The following DPP10 variants were observed in gnomAD, a reference collection of about 807,000 sequenced individuals.
DPP10 encodes inactive dipeptidyl peptidase 10.
DPP10 carries 33 observed loss-of-function variants against 120.9 expected under a neutral mutation model. The ratio of observed to expected loss-of-function variants is 0.27; its 90% CI spans 0.21 to 0.37. The LOEUF (loss-of-function observed/expected upper bound fraction) is 0.37, where lower values mean the gene tolerates loss of function less well. Ranked by LOEUF, DPP10 falls within the 10% of genes least tolerant of loss-of-function variation. The probability of loss-of-function intolerance (pLI) is 1.00; values close to 1 mark genes in which losing one functional copy is unlikely to be tolerated. For missense variants in DPP10, 816 were observed against 942.8 expected, an observed-to-expected ratio of 0.87 and a Z score of 1.76; for synonymous variants, 337 against 326.1, an observed-to-expected ratio of 1.03 and a Z score of -0.36.
intron 8 of DPP10, among the ~76,000 whole-genome samples, chr2:115,729,332 T>C (rs2092842304): frequency 1.3e-5 from 2 of 152,186 alleles, no homozygotes; most frequent in Admixed American, 6.5e-5. Flanking sequence ...CAAAATATTA[T>C]TGGTACTGTG....
At chr2:115,829,513 T>G (rs1322314551) in intron 21 of DPP10, among the ~76,000 whole-genome samples, 3 of 152,308 alleles carry the variant, frequency 2.0e-5, no homozygotes, top group African/African-American at 7.2e-5. Flanking sequence ...TTATCTTTGT[T>G]TTTTTCAAAT....
intron 1 of DPP10, among the ~76,000 whole-genome samples, chr2:115,185,858 T>G (rs1221881981): frequency 1.3e-5 from 2 of 152,200 alleles, no homozygotes; most frequent in African/African-American, 4.8e-5. Flanking sequence ...AACCTATTAG[T>G]AAAGGTTGTA....
intron 3 of DPP10, among the ~76,000 whole-genome samples, chr2:115,356,553 C>T (rs908829320): frequency 3.9e-5 from 6 of 152,092 alleles, no homozygotes; most frequent in Non-Finnish European, 7.4e-5. Context: ...ACTTCTTTCT[C>T]TTGCCTGATT....
chr2:114,582,884 A>T (rs1690650997), intron 1 of DPP10, among the ~76,000 whole-genome samples: 1 of 152,150 alleles, frequency 6.6e-6, no homozygotes, highest in African/African-American at 2.4e-5. Flanking sequence ...CTTTCAAATA[A>T]TACAGGTTTG....
At chr2:115,436,980 T>C (rs957481988) in intron 3 of DPP10, among the ~76,000 whole-genome samples, 7 of 152,002 alleles carry the variant, frequency 4.6e-5, no homozygotes, top group African/African-American at 1.2e-4. Flanking sequence ...AAGTATAAGA[T>C]ACAATATTTC....
intron 1 of DPP10, among the ~76,000 whole-genome samples, chr2:115,079,372 C>CAAAAAAAAAAAAA (rs57960886): frequency 6.8e-6 from 1 of 146,398 alleles, no homozygotes; most frequent in Non-Finnish European, 1.5e-5. Context: ...TCTCAAAAAA[C>CAAAAAAAAAAAAA]AAAAAAAAAG....
intron 3 of DPP10, among the ~76,000 whole-genome samples, chr2:115,474,803 C>T (rs1034410895): frequency 6.6e-6 from 1 of 151,500 alleles, no homozygotes; most frequent in African/African-American, 2.4e-5. Flanking sequence ...TAAAGAGGAG[C>T]CAATTACTAA....
intron 17 of DPP10, among the ~76,000 whole-genome samples, chr2:115,788,685 A>C (rs1314984036): frequency 6.6e-6 from 1 of 152,230 alleles, no homozygotes; most frequent in Non-Finnish European, 1.5e-5. Flanking sequence ...CTAAACATTC[A>C]CACGAGAAGA....
intron 1 of DPP10, among the ~76,000 whole-genome samples, chr2:114,721,586 T>C (rs998437869): frequency 4.6e-5 from 7 of 152,212 alleles, no homozygotes; most frequent in Non-Finnish European, 8.8e-5. Context: ...TTGTGAATCT[T>C]ACCTCTTGGT....
At chr2:114,884,595 T>G (rs904858492) in intron 1 of DPP10, among the ~76,000 whole-genome samples, 2 of 151,958 alleles carry the variant, frequency 1.3e-5, no homozygotes, top group Non-Finnish European at 2.9e-5. Flanking sequence ...GAGGAACAGG[T>G]GGTGTTTGGT....
chr2:115,112,152 T>G (rs2049256324), intron 1 of DPP10, among the ~76,000 whole-genome samples: 1 of 152,172 alleles, frequency 6.6e-6, no homozygotes, highest in Non-Finnish European at 1.5e-5. Context: ...CTATCACAGT[T>G]CTTTTCACCT....
chr2:115,743,412 A>C (rs1300214894), intron 9 of DPP10, among the ~76,000 whole-genome samples: 2 of 152,144 alleles, frequency 1.3e-5, no homozygotes, highest in African/African-American at 4.8e-5. Flanking sequence ...AAACTGCCTT[A>C]AAGATGATAA....
intron 1 of DPP10, among the ~76,000 whole-genome samples, chr2:114,768,494 G>A (rs1474864773): frequency 2.0e-5 from 3 of 152,208 alleles, no homozygotes; most frequent in African/African-American, 4.8e-5. Flanking sequence ...CAGTGTTAAA[G>A]TGTTTTAAAG....
intron 1 of DPP10, among the ~76,000 whole-genome samples, chr2:114,712,326 A>C (rs1701080395): frequency 6.6e-6 from 1 of 152,234 alleles, no homozygotes; most frequent in African/African-American, 2.4e-5. Context: ...TCTCAAAAAA[A>C]TAAAATAAAA....
chr2:114,667,034 C>T (rs1697976934), intron 1 of DPP10, among the ~76,000 whole-genome samples: 1 of 152,198 alleles, frequency 6.6e-6, no homozygotes, highest in Admixed American at 6.5e-5. Flanking sequence ...AAAGAGGCCA[C>T]ATACTTTGCC....
At chr2:115,224,136 G>A (rs914922889) in intron 1 of DPP10, among the ~76,000 whole-genome samples, 2 of 152,066 alleles carry the variant, frequency 1.3e-5, no homozygotes, top group Non-Finnish European at 2.9e-5. Context: ...ATTAGTGAGT[G>A]TAAAGTTACA....
intron 3 of DPP10, among the ~76,000 whole-genome samples, chr2:115,363,567 T>TTACTTGACTTC (rs2064911263): frequency 6.6e-6 from 1 of 152,214 alleles, no homozygotes; most frequent in African/African-American, 2.4e-5. Context: ...GGTGCGCAAG[T>TTACTTGACTTC]TACTTGACTT....
intron 1 of DPP10, among the ~76,000 whole-genome samples, chr2:115,268,788 T>C (rs569326665): frequency 1.3e-5 from 2 of 152,238 alleles, no homozygotes; most frequent in African/African-American, 2.4e-5. Context: ...CAAGACACTT[T>C]CTTTACCGTT....
rs572467612 is a variant in DPP10, at chr2:115,124,677, T to C, written c.61-184562T>C. ...AGAATTATAGCCAATTAGTTACTTA[T>C]GTAATTATATGTCTTTGTTTCTATC... On this transcript the variant is annotated intron_variant, in intron 1 of 25. Transcript: ENST00000410059. Among the ~76,000 whole-genome samples the C allele has an allele frequency of 7.2e-5, 11 of 152,376 alleles. 2 individuals are homozygous for C. The South Asian group carries it at 2.3e-3, about 32-fold the overall frequency.
Sources: gnomAD v4.1 joint callset for allele counts (sites outside exome capture counted in the v4.1 genomes callset) on GRCh38, gnomAD v4.1.1 for gene constraint, MANE v1.5 for transcripts, NCBI Gene and HGNC (gene_info 2026-07-23, HGNC 2026-07-21) for gene names.